Variants in SNRNP27 observed in about 807,000 individuals in gnomAD.
The protein encoded by SNRNP27 is U4/U6.U5 small nuclear ribonucleoprotein 27 kDa protein.
In SNRNP27, 22 loss-of-function variants were observed where a neutral mutation model predicts 25.1. The observed-to-expected ratio is 0.88, with a 90% CI of 0.63 to 1.25. The LOEUF (loss-of-function observed/expected upper bound fraction) is 1.25, where lower values mean the gene tolerates loss of function less well. Ranked by LOEUF, SNRNP27 falls within the 50% of genes most tolerant of loss-of-function variation. The pLI is 0.00. For synonymous variants in SNRNP27, 66 were observed against 64.9 expected (o/e 1.02, Z -0.08); for missense variants, 150 against 202.3 (o/e 0.74, Z 1.57).
intron 3 of SNRNP27, 65 bp downstream of exon 3, chr2:69,896,613 C>G: frequency 3.5e-6 from 5 of 1,414,324 alleles, no homozygotes; most frequent in Middle Eastern, 1.8e-4. Flanking sequence ...AAAGTTTAAT[C>G]TTGAACATTT....
chr2:69,903,336 T>TA, intron 5 of SNRNP27, 91 bp downstream of exon 5: 1 of 953,328 alleles, frequency 1.0e-6, no homozygotes, highest in South Asian at 1.3e-5. Context: ...GTAGGAAATG[T>TA]AGCAGTTTTC....
chr2:69,899,829 A>G (rs1263350232), intron 4 of SNRNP27, among the ~76,000 whole-genome samples: 1 of 152,134 alleles, frequency 6.6e-6, no homozygotes, highest in African/African-American at 2.4e-5. Context: ...CCTGGGCTGA[A>G]GCAATTTCCC....
intron 3 of SNRNP27, among the ~76,000 whole-genome samples, chr2:69,897,170 T>A (rs1194440460): frequency 6.6e-6 from 1 of 152,062 alleles, no homozygotes; most frequent in Non-Finnish European, 1.5e-5. Flanking sequence ...GTCTAAAGGC[T>A]TCAAGGAGAG....
At chr2:69,903,317 A>T in intron 5 of SNRNP27, 72 bp downstream of exon 5, 1 of 1,068,854 alleles carries the variant, frequency 9.4e-7, no homozygotes. Context: ...TTATGAGATA[A>T]TCATGTTTGT....
chr2:69,899,276 G>T (rs1676652103), intron 4 of SNRNP27, among the ~76,000 whole-genome samples: 1 of 152,128 alleles, frequency 6.6e-6, no homozygotes, highest in Non-Finnish European at 1.5e-5. Flanking sequence ...ATGGCTATCA[G>T]TTATAACGTC....
intron 4 of SNRNP27, among the ~76,000 whole-genome samples, chr2:69,901,113 G>T (rs1336291944): frequency 2.6e-5 from 4 of 151,806 alleles, no homozygotes; most frequent in South Asian, 2.1e-4. Flanking sequence ...GGCGGAGGTT[G>T]CAGTGAGCCG....
intron 2 of SNRNP27, 83 bp downstream of exon 2, chr2:69,895,297 G>T (rs1007508622): frequency 7.3e-6 from 11 of 1,499,158 alleles, no homozygotes; most frequent in African/African-American, 2.8e-5. Flanking sequence ...TGTTTTCATC[G>T]CTTATAAGGG....
chr2:69,901,770 A>G (rs1287206561), intron 4 of SNRNP27, among the ~76,000 whole-genome samples: 4 of 152,288 alleles, frequency 2.6e-5, no homozygotes, highest in African/African-American at 7.2e-5. Context: ...GCAGTGAGCT[A>G]TGATCACGCC....
Position 69,900,348 on chromosome 2 carries a change from A to C in SNRNP27, c.349-2833A>C, listed in dbSNP as rs144092407. ...TCCAGAAATCAGTAAACCTTTAGGA[A>C]TCGAACTTTGTAAAAAGGTTATCAT... On this transcript the variant is annotated intron_variant, in intron 4 of 5. Coordinates refer to ENST00000244227, the MANE Select transcript of SNRNP27 (RefSeq NM_006857.3). Among the ~76,000 whole-genome samples, 16 of 152,324 alleles carry C rather than the reference A, an allele frequency of 1.1e-4. 1 individual carries two copies. The East Asian group carries it at 2.7e-3, about 26-fold the overall frequency.
Position 69,904,426 on chromosome 2 carries a change from G to T in SNRNP27, c.*118G>T. ...GATCTCAGTTCTCCTTTCTTGTAAAGTAAGAAAATCTTATTTATGATATAT... is the reference window on the plus strand; with the variant it reads ...GATCTCAGTTCTCCTTTCTTGTAAATTAAGAAAATCTTATTTATGATATAT... On this transcript the variant is annotated 3_prime_UTR_variant, in exon 6 of 6. Transcript: ENST00000244227. 1.2e-6 allele frequency: 1 copy of T among 813,870 alleles called. No individual in the cohort carries two copies. The highest frequency in any genetic ancestry group is 2.5e-5 in the East Asian group (1 of 39,274). The allele number at this position is 813,870 out of a possible 1,614,324, so 50.4% of individuals were successfully genotyped here.
chr2:69,898,574 C>T (rs1676640159), intron 4 of SNRNP27, among the ~76,000 whole-genome samples: 4 of 152,288 alleles, frequency 2.6e-5, no homozygotes, highest in Non-Finnish European at 1.5e-5. Context: ...CAAAAATAAT[C>T]CACTTTCCCA....
At chr2:69,897,088 A>G (rs903185969) in intron 3 of SNRNP27, among the ~76,000 whole-genome samples, 1 of 152,172 alleles carries the variant, frequency 6.6e-6, no homozygotes, top group Non-Finnish European at 1.5e-5. Flanking sequence ...CTTCAGAACT[A>G]TATAGTGTCA....
chr2:69,899,726 G>A (rs1558561804), intron 4 of SNRNP27, among the ~76,000 whole-genome samples: 1 of 151,972 alleles, frequency 6.6e-6, no homozygotes, highest in Non-Finnish European at 1.5e-5. Flanking sequence ...CATTGCGCCC[G>A]GCCTCATTTT....
At chr2:69,902,333 C>CTGCTGCTGTTGCTGCTCT (rs1553376923) in intron 4 of SNRNP27, among the ~76,000 whole-genome samples, 1 of 151,544 alleles carries the variant, frequency 6.6e-6, no homozygotes, top group East Asian at 1.9e-4. Context: ...TCTACTTCCG[C>CTGCTGCTGTTGCTGCTCT]TGCTGCTGCT....
intron 1 of SNRNP27, among the ~76,000 whole-genome samples, 160 bp downstream of exon 1, chr2:69,894,178 C>T (rs1676557112): frequency 6.6e-6 from 1 of 152,152 alleles, no homozygotes; most frequent in African/African-American, 2.4e-5. Flanking sequence ...TGGGCCCTGC[C>T]CTCTTCAGCC....
intron 4 of SNRNP27, among the ~76,000 whole-genome samples, chr2:69,902,279 C>T (rs1225780530): frequency 1.0e-5 from 1 of 96,752 alleles, no homozygotes; most frequent in Non-Finnish European, 2.3e-5. Context: ...CTTCCTCCTC[C>T]TCCTTCCTCC....
intron 1 of SNRNP27, among the ~76,000 whole-genome samples, chr2:69,894,611 C>T (rs1676566840): frequency 6.6e-6 from 1 of 152,100 alleles, no homozygotes; most frequent in Admixed American, 6.5e-5. Flanking sequence ...GTAAAGAACC[C>T]TGGACTTCCA....
chr2:69,897,985 G>A lies in SNRNP27; in HGVS notation c.348+529G>A, dbSNP rs1378796110. 5.2e-5 allele frequency among the ~76,000 whole-genome samples: 2 copies of A among 38,678 alleles called. 1 individual carries two copies. The highest frequency in any genetic ancestry group is 8.7e-5 in the Non-Finnish European group (2 of 23,106). The allele number at this position is 38,678 out of a possible 152,430, so 25.4% of individuals were successfully genotyped here. A position where few individuals can be genotyped will look rare whatever the true frequency, so the allele number is the denominator to read the frequency against. On this transcript the variant is annotated intron_variant, in intron 4 of 5. Transcript: ENST00000244227. ...TGTGTGTTTTGGAATAATGACTCTG[G>A]GGGCAGCATGGAGGACAGATGGGAG...
chr2:69,898,479 T>C (rs923792355), intron 4 of SNRNP27, among the ~76,000 whole-genome samples: 6 of 152,198 alleles, frequency 3.9e-5, no homozygotes, highest in Admixed American at 2.0e-4. Context: ...AAGAAAAACA[T>C]ATTTTTTAAA....
Sources: gnomAD v4.1 joint callset for allele counts (sites outside exome capture counted in the v4.1 genomes callset) on GRCh38, gnomAD v4.1.1 for gene constraint, MANE v1.5 for transcripts, NCBI Gene and HGNC (gene_info 2026-07-23, HGNC 2026-07-21) for gene names.